PTPN3: variants seen among roughly 807,000 people sequenced by gnomAD.
PTPN3 encodes the protein protein tyrosine phosphatase non-receptor type 3.
In PTPN3, 96 loss-of-function variants were observed where a neutral mutation model predicts 132.7. The observed-to-expected ratio is 0.72, with a 90% CI of 0.61 to 0.86. The LOEUF is 0.86. Ranked by LOEUF, PTPN3 falls within the 40% of genes least tolerant of loss-of-function variation. PTPN3 has a pLI of 0.00. For synonymous variants in PTPN3, 398 were observed against 429.0 expected (o/e 0.93, Z 0.89); for missense variants, 1,125 against 1,159.6 (o/e 0.97, Z 0.43).
chr9:109,404,066 A>G (rs1841360609), intron 19 of PTPN3, among the ~76,000 whole-genome samples: 1 of 152,018 alleles, frequency 6.6e-6, no homozygotes, highest in African/African-American at 2.4e-5. Flanking sequence ...CACTGCTGGG[A>G]GTTTTGAGCT....
At chr9:109,422,145 G>C (rs1381759318) in intron 13 of PTPN3, among the ~76,000 whole-genome samples, 1 of 152,042 alleles carries the variant, frequency 6.6e-6, no homozygotes, top group Non-Finnish European at 1.5e-5. Context: ...TTAACAGAAG[G>C]GCCAAAACCT....
At position 109,439,421 on chromosome 9, in the gene PTPN3, C is replaced by T. The variant is rs150615229; in HGVS notation, c.467-1187G>A. Among the ~76,000 whole-genome samples the T allele has an allele frequency of 6.0e-3, 911 of 152,278 alleles. 11 individuals are homozygous for T. Among genetic ancestry groups the T allele is most frequent in the African/African-American group, 0.021 (865 of 41,554 alleles). Reference sequence around the variant, plus strand: ...TCTTTCCAAATATTTTAATGAATTTCTTCCTGTAGCTCGCTGCAATGCCAG... The same window carrying T: ...TCTTTCCAAATATTTTAATGAATTTTTTCCTGTAGCTCGCTGCAATGCCAG... On this transcript the variant is annotated intron_variant, in intron 7 of 25. Transcript: ENST00000374541.
intron 1 of PTPN3, among the ~76,000 whole-genome samples, chr9:109,480,919 G>GATGC (rs1053459280): frequency 1.3e-5 from 2 of 152,170 alleles, no homozygotes; most frequent in Non-Finnish European, 2.9e-5. Flanking sequence ...TGGATGGATG[G>GATGC]ATGGATGCAT....
chr9:109,432,403 C>T (rs1843727144), intron 10 of PTPN3, among the ~76,000 whole-genome samples: 1 of 152,152 alleles, frequency 6.6e-6, no homozygotes, highest in African/African-American at 2.4e-5. Flanking sequence ...CCGTCTATGG[C>T]ACTCACTCTC....
rs1463100024 is a variant in PTPN3, at chr9:109,436,986, C to A, written c.588-16G>T. Reference sequence around the variant, plus strand: ...TTTTAGCCCACTACGGAAGAAAAGACAAAAAGCAGAGTTCATCCAATAAAG... The same window carrying A: ...TTTTAGCCCACTACGGAAGAAAAGAAAAAAAGCAGAGTTCATCCAATAAAG... On this transcript the variant is annotated splice_polypyrimidine_tract_variant and intron_variant, in intron 8 of 25. Transcript: ENST00000374541. 6.2e-7 allele frequency: 1 copy of A among 1,611,902 alleles called. No individual in the cohort carries two copies. Among genetic ancestry groups the A allele is most frequent in the African/African-American group, 1.3e-5 (1 of 74,882 alleles).
chr9:109,453,277 T>C (rs1252611452), intron 5 of PTPN3, among the ~76,000 whole-genome samples: 1 of 152,226 alleles, frequency 6.6e-6, no homozygotes, highest in African/African-American at 2.4e-5. Context: ...ACACTCTGTG[T>C]CTGAGTTAAT....
chr9:109,494,092 C>T (rs1323086834), intron 1 of PTPN3, among the ~76,000 whole-genome samples: 1 of 152,204 alleles, frequency 6.6e-6, no homozygotes, highest in African/African-American at 2.4e-5. Context: ...AGGCACTTAG[C>T]CCTGGGCTAG....
chr9:109,379,736 A>T, intron 25 of PTPN3, 103 bp from the exon 26 acceptor site: 2 of 990,268 alleles, frequency 2.0e-6, no homozygotes, highest in Non-Finnish European at 1.6e-6. Context: ...ATATTCCCTG[A>T]GCGCCAACTC....
At chr9:109,492,725 G>T (rs1258733964) in intron 1 of PTPN3, among the ~76,000 whole-genome samples, 3 of 152,302 alleles carry the variant, frequency 2.0e-5, no homozygotes, top group African/African-American at 7.2e-5. Flanking sequence ...CTCCAAAAAT[G>T]TAATTCTCTG....
At position 109,448,932 on chromosome 9, in the gene PTPN3, GT is replaced by G. The variant is rs1845049691; in HGVS notation, c.369-78del. 3 of 1,546,064 alleles carry G rather than the reference GT, an allele frequency of 1.9e-6. No individual in the cohort carries two copies. In the East Asian group the frequency reaches 6.8e-5, roughly 35 times the overall value. Reference sequence around the variant, plus strand: ...AAAAAAAAAAAAGAAAGTTTGATGAGTCAAAGACAAGAGCTGTACATGTGAA... The same window carrying G: ...AAAAAAAAAAAAGAAAGTTTGATGAGCAAAGACAAGAGCTGTACATGTGAA... On this transcript the variant is annotated intron_variant, in intron 5 of 25. Coordinates refer to ENST00000374541, the MANE Select transcript of PTPN3 (RefSeq NM_002829.4).
chr9:109,534,221 C>T, the PTPN3 span: 5 of 1,388,490 alleles, frequency 3.6e-6, no homozygotes, highest in South Asian at 1.2e-5. Context: ...CCCGGGCCAC[C>T]GTTTCCTGTG....
intron 5 of PTPN3, chr9:109,450,147 A>G (rs985817738): frequency 1.0e-6 from 1 of 984,520 alleles, no homozygotes; most frequent in African/African-American, 1.7e-5. Context: ...CCATGTCGTA[A>G]CTCTAATATT....
chr9:109,514,902 C>G, the PTPN3 span, among the ~76,000 whole-genome samples: 2 of 152,050 alleles, frequency 1.3e-5, no homozygotes, highest in African/African-American at 4.8e-5. Flanking sequence ...AACCATTGGT[C>G]CCAGAAGAAT....
At chr9:109,522,218 G>T in the PTPN3 span, among the ~76,000 whole-genome samples, 2 of 152,218 alleles carry the variant, frequency 1.3e-5, no homozygotes, top group Admixed American at 1.3e-4. Flanking sequence ...AATCATTACA[G>T]TTCCTTGCAG....
intron 2 of PTPN3, among the ~76,000 whole-genome samples, chr9:109,462,876 C>T (rs1564465324): frequency 6.6e-6 from 1 of 151,830 alleles, no homozygotes; most frequent in Non-Finnish European, 1.5e-5. Context: ...TTTCAAGGAG[C>T]TCAGTTTCAT....
intron 1 of PTPN3, among the ~76,000 whole-genome samples, chr9:109,468,867 T>C (rs1212477457): frequency 6.6e-6 from 1 of 152,256 alleles, no homozygotes; most frequent in African/African-American, 2.4e-5. Context: ...TTGGGTGCTG[T>C]CTACAGATTC....
chr9:109,451,245 G>C (rs1444176040), intron 5 of PTPN3: 2 of 984,242 alleles, frequency 2.0e-6, no homozygotes, highest in African/African-American at 3.5e-5. Context: ...TATATATCTG[G>C]CAGTCCTGGT....
rs948316466 is a variant in PTPN3 at position 109,404,451 on chromosome 9, A to C, written c.1950T>G (p.Phe650Leu). ...GLESGTVLIQ[F>L]EQLYRKKPGL... ...TTCAGCCTCCAGAGGGTCTTACCTCAAACTGGATCAGCACCGTCCCGCTTT... is the reference window on the plus strand; with the variant it reads ...TTCAGCCTCCAGAGGGTCTTACCTCCAACTGGATCAGCACCGTCCCGCTTT... Residue 650 changes from phenylalanine (F) to leucine (L), a missense_variant, in exon 19 of 26, where the codon TTT (phenylalanine) becomes TTG (leucine). Physicochemically the swap from Phe to Leu is conservative, Grantham distance 22 (BLOSUM62 0). Transcript: ENST00000374541. 2 of 1,445,044 alleles carry C rather than the reference A, an allele frequency of 1.4e-6. No individual in the cohort carries two copies. The highest frequency in any genetic ancestry group is 2.8e-5 in the African/African-American group (2 of 71,732). 89.5% of individuals were successfully genotyped at this position (1,445,044 alleles called of 1,614,324 possible).
intron 2 of PTPN3, among the ~76,000 whole-genome samples, chr9:109,459,903 T>C (rs1588463984): frequency 6.6e-6 from 1 of 152,202 alleles, no homozygotes; most frequent in East Asian, 1.9e-4. Context: ...TTAAGCACCG[T>C]TCGCAGCTTC....
Sources: gnomAD v4.1 joint callset for allele counts (sites outside exome capture counted in the v4.1 genomes callset) on GRCh38, gnomAD v4.1.1 for gene constraint, MANE v1.5 for transcripts, NCBI Gene and HGNC (gene_info 2026-07-23, HGNC 2026-07-21) for gene names.